The following NT5DC1 variants were observed in gnomAD, a reference collection of about 807,000 sequenced individuals.
NT5DC1 encodes the protein 5'-nucleotidase domain containing 1.
Under a neutral mutation model 59.4 loss-of-function variants are expected in NT5DC1, and 42 were observed. The ratio of observed to expected loss-of-function variants is 0.71; its 90% CI spans 0.55 to 0.92. The LOEUF is 0.92. Among genes scored for constraint, NT5DC1 ranks in the 40% least tolerant of loss-of-function variants. NT5DC1 has a pLI of 0.00. For missense variants in NT5DC1, 501 were observed against 537.1 expected (o/e 0.93, Z 0.66); for synonymous variants, 172 against 188.1 (o/e 0.91, Z 0.70).
rs1562125157 is a variant in NT5DC1, at chr6:116,121,858, TC to T, written c.529+3915del. 6.2e-7 allele frequency: 1 copy of T among 1,613,880 alleles called. No individual in the cohort carries two copies. Among genetic ancestry groups the T allele is most frequent in the African/African-American group, 1.3e-5 (1 of 74,954 alleles). On this transcript the variant is annotated intron_variant, in intron 6 of 11. Coordinates refer to ENST00000319550, the MANE Select transcript of NT5DC1 (RefSeq NM_152729.3). Reference sequence around the variant, plus strand: ...CTGGCTCTCCTTGGAGTCCAGGACTTCCGTAGCCTGGTTTTCCTGGTGGTCC... The same window carrying T: ...CTGGCTCTCCTTGGAGTCCAGGACTTCGTAGCCTGGTTTTCCTGGTGGTCC...
intron 6 of NT5DC1, among the ~76,000 whole-genome samples, chr6:116,163,141 A>AAAAAAAATAT (rs761718922): frequency 8.4e-4 from 74 of 88,370 alleles, no homozygotes; most frequent in African/African-American, 2.5e-3. Flanking sequence ...AAAAAAAAAA[A>AAAAAAAATAT]ATATATATAT....
chr6:116,216,743 A>T (rs1043806221), intron 6 of NT5DC1, among the ~76,000 whole-genome samples: 1 of 152,150 alleles, frequency 6.6e-6, no homozygotes, highest in African/African-American at 2.4e-5. Flanking sequence ...ACCTATAAAT[A>T]AACAAAATAA....
intron 6 of NT5DC1, among the ~76,000 whole-genome samples, chr6:116,138,972 A>G (rs753611894): frequency 6.6e-6 from 1 of 152,184 alleles, no homozygotes; most frequent in Non-Finnish European, 1.5e-5. Flanking sequence ...TAGGATTTGT[A>G]TAATTGCAGC....
chr6:116,104,362 G>A (rs905266471), intron 1 of NT5DC1, among the ~76,000 whole-genome samples: 1 of 152,178 alleles, frequency 6.6e-6, no homozygotes, highest in Non-Finnish European at 1.5e-5. Context: ...TCTTCCAGGA[G>A]AATTCAAGTG....
In NT5DC1 at chr6:116,248,837, G is replaced by C. The variant is rs1011731370; in HGVS notation, c.*4813G>C. 1 of 152,206 alleles carries C rather than the reference G, an allele frequency of 6.6e-6. No homozygotes were observed. The highest frequency in any genetic ancestry group is 2.4e-5 in the African/African-American group (1 of 41,450). 9.4% of individuals were successfully genotyped at this position (152,206 alleles called of 1,614,324 possible). A position where few individuals can be genotyped will look rare whatever the true frequency, so the allele number is the denominator to read the frequency against. ...GCAGGGCTATAGCAGTGAACCAATT[G>C]GTTGGTAAGTGAAACCTGTAAGATG... On this transcript the variant is annotated 3_prime_UTR_variant, in exon 12 of 12. Coordinates refer to ENST00000319550, the MANE Select transcript of NT5DC1 (RefSeq NM_152729.3).
chr6:116,204,859 T>C (rs983155837), intron 6 of NT5DC1, among the ~76,000 whole-genome samples: 1 of 152,062 alleles, frequency 6.6e-6, no homozygotes, highest in African/African-American at 2.4e-5. Flanking sequence ...TTATTTGTTA[T>C]AATTACATGG....
At position 116,161,315 on chromosome 6, in the gene NT5DC1, C is replaced by T. The variant is rs561648025; in HGVS notation, c.529+43370C>T. ...ATGTAACTAACCTGCACATTGTGCA[C>T]ATGTACCCTAAAACTTAAAGTATAA... On this transcript the variant is annotated intron_variant, in intron 6 of 11. Coordinates refer to ENST00000319550, the MANE Select transcript of NT5DC1 (RefSeq NM_152729.3). Among the ~76,000 whole-genome samples the T allele has an allele frequency of 6.0e-5, 9 of 151,142 alleles. No homozygotes were observed. In the East Asian group the frequency reaches 1.7e-3, roughly 29 times the overall value.
At chr6:116,170,848 A>G (rs945554848) in intron 6 of NT5DC1, among the ~76,000 whole-genome samples, 2 of 152,152 alleles carry the variant, frequency 1.3e-5, no homozygotes, top group African/African-American at 4.8e-5. Context: ...CGTGTAGCCT[A>G]TCCTCATTAT....
chr6:116,209,616 C>T (rs990837364), intron 6 of NT5DC1, among the ~76,000 whole-genome samples: 1 of 151,802 alleles, frequency 6.6e-6, no homozygotes, highest in African/African-American at 2.4e-5. Flanking sequence ...CCAAGGTTCA[C>T]CAGGCAGCAG....
intron 6 of NT5DC1, among the ~76,000 whole-genome samples, chr6:116,198,653 A>G (rs1239916711): frequency 1.3e-5 from 2 of 151,984 alleles, no homozygotes; most frequent in Admixed American, 6.6e-5. Flanking sequence ...GCTTGAGCCC[A>G]GGAGTTCAAA....
At chr6:116,102,856 G>A (rs111637117) in intron 1 of NT5DC1, among the ~76,000 whole-genome samples, 241 of 152,348 alleles carry the variant, frequency 1.6e-3, no homozygotes, top group African/African-American at 5.5e-3. Flanking sequence ...GTCCCTTGTG[G>A]TGGGTAGTAT....
chr6:116,249,068 G>C lies in NT5DC1; in HGVS notation c.*5044G>C, dbSNP rs190041231. 3 of 152,306 alleles carry C rather than the reference G, an allele frequency of 2.0e-5. No homozygotes were observed. The East Asian group carries it at 5.8e-4, about 29-fold the overall frequency. The allele number at this position is 152,306 out of a possible 1,614,324, so 9.4% of individuals were successfully genotyped here. ...AAAGGTATAATAAAGCTTGAAACAGGTGGCTGACAATGCAGAAATCAATCA... is the reference window on the plus strand; with the variant it reads ...AAAGGTATAATAAAGCTTGAAACAGCTGGCTGACAATGCAGAAATCAATCA... On this transcript the variant is annotated 3_prime_UTR_variant, in exon 12 of 12. Coordinates refer to ENST00000319550, the MANE Select transcript of NT5DC1 (RefSeq NM_152729.3).
chr6:116,148,672 G>A (rs1471147053), intron 6 of NT5DC1, among the ~76,000 whole-genome samples: 1 of 152,104 alleles, frequency 6.6e-6, no homozygotes, highest in East Asian at 1.9e-4. Flanking sequence ...ATATAACAAC[G>A]TCATTAATAA....
At chr6:116,208,007 A>G (rs1408523996) in intron 6 of NT5DC1, among the ~76,000 whole-genome samples, 2 of 151,976 alleles carry the variant, frequency 1.3e-5, no homozygotes, top group African/African-American at 4.8e-5. Context: ...GTTAGAAGAA[A>G]CACAGTGAAA....
At chr6:116,209,160 A>G (rs139845164) in intron 6 of NT5DC1, among the ~76,000 whole-genome samples, 103 of 152,156 alleles carry the variant, frequency 6.8e-4, no homozygotes, top group African/African-American at 2.5e-3. Flanking sequence ...ATTAAATACT[A>G]CATATCAGGA....
At position 116,234,457 on chromosome 6, in the gene NT5DC1, A is replaced by G. The variant is rs150554290; in HGVS notation, c.803-2509A>G. 4.3e-3 allele frequency among the ~76,000 whole-genome samples: 647 copies of G among 151,874 alleles called. 4 individuals carry two copies. Among genetic ancestry groups the G allele is most frequent in the African/African-American group, 0.015 (610 of 41,386 alleles). ...CGGGCTGAAGCTATCCTCCCACCTC[A>G]GCCTCTCAAGTAGCTGGGACTACAG... On this transcript the variant is annotated intron_variant, in intron 8 of 11. Coordinates refer to ENST00000319550, the MANE Select transcript of NT5DC1 (RefSeq NM_152729.3).
intron 6 of NT5DC1, among the ~76,000 whole-genome samples, chr6:116,178,054 TG>T (rs1433724800): frequency 3.0e-4 from 18 of 59,530 alleles, no homozygotes; most frequent in Middle Eastern, 7.6e-3. Flanking sequence ...AAGAGGAAAG[TG>T]TGTGTGTGTG....
At chr6:116,226,265 AT>A (rs1300783599) in intron 8 of NT5DC1, among the ~76,000 whole-genome samples, 2 of 152,018 alleles carry the variant, frequency 1.3e-5, no homozygotes, top group African/African-American at 4.8e-5. Context: ...TTTTATTTTT[AT>A]TTTTGTGGGG....
intron 8 of NT5DC1, among the ~76,000 whole-genome samples, chr6:116,233,312 A>G (rs1782053563): frequency 6.6e-6 from 1 of 152,208 alleles, no homozygotes; most frequent in Non-Finnish European, 1.5e-5. Context: ...AAACTATAAA[A>G]TTCAGTTCAA....
Sources: gnomAD v4.1 joint callset for allele counts (sites outside exome capture counted in the v4.1 genomes callset) on GRCh38, gnomAD v4.1.1 for gene constraint, MANE v1.5 for transcripts, NCBI Gene and HGNC (gene_info 2026-07-23, HGNC 2026-07-21) for gene names.